The following THSD4 variants were observed in gnomAD, a reference collection of about 807,000 sequenced individuals.
THSD4 encodes thrombospondin type 1 domain containing 4.
Under a neutral mutation model 119.0 loss-of-function variants are expected in THSD4, and 69 were observed. The observed-to-expected ratio is 0.58, with a 90% CI of 0.48 to 0.71. The LOEUF is 0.71. Ranked by LOEUF, THSD4 falls within the 30% of genes least tolerant of loss-of-function variation. THSD4 has a pLI of 0.00. For synonymous variants in THSD4, 524 were observed against 540.4 expected (o/e 0.97, Z 0.42); for missense variants, 1,393 against 1,391.1 (o/e 1.00, Z -0.02).
chr15:71,566,586 C>G (rs898689316), intron 7 of THSD4, among the ~76,000 whole-genome samples: 15 of 152,238 alleles, frequency 9.9e-5, no homozygotes, highest in African/African-American at 3.6e-4. Flanking sequence ...TGCTGTAGAT[C>G]CTGGTCTCTT....
chr15:71,774,894 C>G (rs2053886786), intron 17 of THSD4, among the ~76,000 whole-genome samples: 1 of 152,154 alleles, frequency 6.6e-6, no homozygotes, highest in African/African-American at 2.4e-5. Flanking sequence ...CACCTGTAAT[C>G]CCAGCACTTT....
At chr15:71,457,706 G>A (rs932503257) in intron 7 of THSD4, among the ~76,000 whole-genome samples, 1 of 152,118 alleles carries the variant, frequency 6.6e-6, no homozygotes, top group African/African-American at 2.4e-5. Flanking sequence ...TGTTCAGAGG[G>A]TCATCTTCTG....
At chr15:71,747,703 T>C (rs1056623227) in intron 13 of THSD4, among the ~76,000 whole-genome samples, 1 of 152,036 alleles carries the variant, frequency 6.6e-6, no homozygotes, top group Non-Finnish European at 1.5e-5. Flanking sequence ...ACTTCATGAG[T>C]CAGAAATAAA....
chr15:71,205,892 G>A (rs2043840047), intron 3 of THSD4, among the ~76,000 whole-genome samples: 2 of 112,050 alleles, frequency 1.8e-5, no homozygotes, highest in South Asian at 2.7e-4. Flanking sequence ...TTTTTGAGAT[G>A]GAATTTTGTT....
chr15:71,349,904 C>T (rs1331019188), intron 6 of THSD4, among the ~76,000 whole-genome samples: 1 of 151,504 alleles, frequency 6.6e-6, no homozygotes, highest in Non-Finnish European at 1.5e-5. Flanking sequence ...AGGTGGAGGG[C>T]GAAAGGGAAA....
rs59395201 is a variant in THSD4 at position 71,383,535 on chromosome 15, T to C, written c.1016-28152T>C. Among the ~76,000 whole-genome samples the C allele has an allele frequency of 6.4e-3, 975 of 152,328 alleles. 9 individuals carry two copies. Among genetic ancestry groups the C allele is most frequent in the African/African-American group, 0.022 (931 of 41,562 alleles). The stretch of plus-strand genomic sequence containing the variant: ...CCAGTGTCTTTTCCATTTTGAGAGT[T>C]TCAAATGACTGGATCCTTCCTCTGT... On this transcript the variant is annotated intron_variant, in intron 6 of 17. Transcript: ENST00000261862.
chr15:71,278,559 G>A (rs1471654471), intron 6 of THSD4, among the ~76,000 whole-genome samples: 1 of 152,134 alleles, frequency 6.6e-6, no homozygotes, highest in Non-Finnish European at 1.5e-5. Flanking sequence ...AAAGTTTGGG[G>A]AAACAAAGTT....
intron 7 of THSD4, among the ~76,000 whole-genome samples, chr15:71,424,233 G>A (rs1566977738): frequency 6.6e-6 from 1 of 152,094 alleles, no homozygotes; most frequent in South Asian, 2.1e-4. Context: ...TGATGATGAA[G>A]GCTACTATTC....
intron 6 of THSD4, among the ~76,000 whole-genome samples, chr15:71,275,584 A>G (rs1468863890): frequency 2.0e-5 from 3 of 152,174 alleles, no homozygotes; most frequent in Non-Finnish European, 4.4e-5. Flanking sequence ...CATGCTTTAT[A>G]TATTTATCAG....
At chr15:71,776,422 G>A (rs906739558) in intron 17 of THSD4, among the ~76,000 whole-genome samples, 2 of 152,110 alleles carry the variant, frequency 1.3e-5, no homozygotes, top group African/African-American at 2.4e-5. Flanking sequence ...GATCAGAAAA[G>A]CAATTCACAG....
chr15:71,272,207 C>G (rs770625632), intron 6 of THSD4, among the ~76,000 whole-genome samples: 2 of 151,590 alleles, frequency 1.3e-5, no homozygotes, highest in Admixed American at 6.6e-5. Context: ...TCGAGACCAG[C>G]CTGGCCAACA....
At chr15:71,755,828 C>T (rs1055554387) in intron 14 of THSD4, among the ~76,000 whole-genome samples, 2 of 151,344 alleles carry the variant, frequency 1.3e-5, no homozygotes, top group Middle Eastern at 3.4e-3. Context: ...AAATTGGACA[C>T]TCAAGATAGT....
At chr15:71,273,810 A>C (rs1283842801) in intron 6 of THSD4, among the ~76,000 whole-genome samples, 1 of 152,234 alleles carries the variant, frequency 6.6e-6, no homozygotes. Flanking sequence ...TGCAAGCAAC[A>C]GACACCAATT....
upstream of THSD4, chr15:71,111,097 A>G (rs2040300865): frequency 5.2e-6 from 8 of 1,537,938 alleles, no homozygotes; most frequent in Non-Finnish European, 7.0e-6. Context: ...AGGGGAAATA[A>G]TCTGAATATC....
At chr15:71,294,347 C>G (rs2044832812) in intron 6 of THSD4, among the ~76,000 whole-genome samples, 1 of 152,166 alleles carries the variant, frequency 6.6e-6, no homozygotes, top group East Asian at 1.9e-4. Context: ...TCAGATTTCT[C>G]TTGGACCTGA....
chr15:71,537,038 G>A (rs904902618), intron 7 of THSD4, among the ~76,000 whole-genome samples: 21 of 152,172 alleles, frequency 1.4e-4, no homozygotes, highest in Non-Finnish European at 2.2e-4. Flanking sequence ...CCTCCCCTAC[G>A]GTTAGACATT....
intron 6 of THSD4, among the ~76,000 whole-genome samples, chr15:71,296,067 T>C (rs1003302608): frequency 6.6e-6 from 1 of 152,262 alleles, no homozygotes; most frequent in South Asian, 2.1e-4. Flanking sequence ...TATCAGTTGA[T>C]GGATATTTGA....
chr15:71,324,190 CTTTTT>C (rs541872845), intron 6 of THSD4, among the ~76,000 whole-genome samples: 3 of 144,668 alleles, frequency 2.1e-5, no homozygotes, highest in Non-Finnish European at 3.1e-5. Context: ...TTTTTGTGTT[CTTTTT>C]TTTTTTTAAC....
chr15:71,580,134 G>C (rs2049531040), intron 7 of THSD4, among the ~76,000 whole-genome samples: 2 of 152,168 alleles, frequency 1.3e-5, no homozygotes, highest in Admixed American at 1.3e-4. Flanking sequence ...TAGATGTCAT[G>C]CTAGGATAGT....
Sources: gnomAD v4.1 joint callset for allele counts (sites outside exome capture counted in the v4.1 genomes callset) on GRCh38, gnomAD v4.1.1 for gene constraint, MANE v1.5 for transcripts, NCBI Gene and HGNC (gene_info 2026-07-23, HGNC 2026-07-21) for gene names.